AUTS2: variants seen among roughly 807,000 people sequenced by gnomAD.
The protein encoded by AUTS2 is autism susceptibility gene 2 protein.
In AUTS2, 17 loss-of-function variants were observed where a neutral mutation model predicts 112.4. The ratio of observed to expected loss-of-function variants is 0.15; its 90% CI spans 0.10 to 0.23. The LOEUF (loss-of-function observed/expected upper bound fraction) is 0.23, where lower values mean the gene tolerates loss of function less well. Among genes scored for constraint, AUTS2 ranks in the 10% least tolerant of loss-of-function variants. AUTS2 has a pLI of 1.00. For synonymous variants in AUTS2, 751 were observed against 702.7 expected, an observed-to-expected ratio of 1.07 and a Z score of -1.09; for missense variants, 1,510 against 1,701.6, an observed-to-expected ratio of 0.89 and a Z score of 1.98.
chr7:70,248,085 A>G (rs1420492563), intron 4 of AUTS2, among the ~76,000 whole-genome samples: 2 of 152,156 alleles, frequency 1.3e-5, no homozygotes, highest in East Asian at 1.9e-4. Context: ...ATTATGACAT[A>G]TTATGCCTTT....
chr7:69,986,948 A>G (rs1184834640), intron 2 of AUTS2, among the ~76,000 whole-genome samples: 1 of 152,162 alleles, frequency 6.6e-6, no homozygotes. Context: ...CACAAATAGT[A>G]GGTTCGATAT....
intron 1 of AUTS2, among the ~76,000 whole-genome samples, chr7:69,839,575 C>G (rs1182684616): frequency 6.6e-6 from 1 of 152,138 alleles, no homozygotes; most frequent in Non-Finnish European, 1.5e-5. Flanking sequence ...GATTTATAAA[C>G]AAGACATTAA....
chr7:69,822,344 G>A (rs1440569399), intron 1 of AUTS2, among the ~76,000 whole-genome samples: 1 of 152,174 alleles, frequency 6.6e-6, no homozygotes, highest in Non-Finnish European at 1.5e-5. Flanking sequence ...CATGCTGGGT[G>A]TTATGGCTCA....
In AUTS2 at chr7:70,453,850, C is replaced by A. The variant is rs193238284; in HGVS notation, c.690+18069C>A. ...CTTCGGGATTCTTAATTAGTCCTAT[C>A]TGCAAAGATACTTTTTCCTTGTAAG... On this transcript the variant is annotated intron_variant, in intron 5 of 18. Coordinates refer to ENST00000342771, the MANE Select transcript of AUTS2 (RefSeq NM_015570.4). Among the ~76,000 whole-genome samples the A allele has an allele frequency of 2.6e-4, 39 of 152,326 alleles. No individual in the cohort carries two copies. In the East Asian group the frequency reaches 7.1e-3, roughly 28 times the overall value.
At chr7:70,334,915 T>C (rs555401758) in intron 4 of AUTS2, among the ~76,000 whole-genome samples, 2 of 152,258 alleles carry the variant, frequency 1.3e-5, no homozygotes, top group African/African-American at 4.8e-5. Context: ...GTCAGGGCTG[T>C]AAATTAGACT....
At chr7:69,740,385 G>A (rs909168475) in intron 1 of AUTS2, among the ~76,000 whole-genome samples, 2 of 152,180 alleles carry the variant, frequency 1.3e-5, no homozygotes, top group African/African-American at 4.8e-5. Flanking sequence ...AGCCAGCTCT[G>A]ATTGACAAGA....
chr7:70,088,126 T>G (rs548599804), intron 2 of AUTS2, among the ~76,000 whole-genome samples: 13 of 152,014 alleles, frequency 8.6e-5, no homozygotes, highest in Admixed American at 7.9e-4. Flanking sequence ...ATTCATATTT[T>G]TGTTTGTTTG....
chr7:69,726,075 G>C (rs1455680205), intron 1 of AUTS2, among the ~76,000 whole-genome samples: 1 of 152,094 alleles, frequency 6.6e-6, no homozygotes, highest in East Asian at 1.9e-4. Context: ...GAAATGCACA[G>C]ATCTTAAGTG....
chr7:70,302,463 T>C (rs1228218316), intron 4 of AUTS2, among the ~76,000 whole-genome samples: 2 of 152,096 alleles, frequency 1.3e-5, no homozygotes, highest in East Asian at 1.9e-4. Context: ...CTATAACTAG[T>C]TTTAGTGTTA....
At chr7:69,635,797 A>G (rs1794492555) in intron 1 of AUTS2, among the ~76,000 whole-genome samples, 1 of 152,246 alleles carries the variant, frequency 6.6e-6, no homozygotes, top group Admixed American at 6.5e-5. Flanking sequence ...TTACAAAGCT[A>G]AACACTTGTC....
chr7:69,712,866 AT>A (rs1798392681), intron 1 of AUTS2, among the ~76,000 whole-genome samples: 1 of 152,136 alleles, frequency 6.6e-6, no homozygotes, highest in Non-Finnish European at 1.5e-5. Flanking sequence ...GTTCCTTCAC[AT>A]TTGTGCCAAC....
chr7:70,530,023 A>G (rs904424433), intron 5 of AUTS2, among the ~76,000 whole-genome samples: 5 of 152,186 alleles, frequency 3.3e-5, no homozygotes, highest in African/African-American at 9.6e-5. Context: ...TTATCACCCA[A>G]TTTCCACTGG....
chr7:70,284,252 A>G (rs1475512124), intron 4 of AUTS2, among the ~76,000 whole-genome samples: 1 of 152,226 alleles, frequency 6.6e-6, no homozygotes, highest in Non-Finnish European at 1.5e-5. Flanking sequence ...ATTGTATAGT[A>G]AAACATAATT....
At chr7:69,742,030 G>A (rs780078376) in intron 1 of AUTS2, among the ~76,000 whole-genome samples, 16 of 151,752 alleles carry the variant, frequency 1.1e-4, no homozygotes, top group Admixed American at 2.0e-4. Context: ...TGAATTCCTG[G>A]GCTAAAGTGA....
At chr7:70,328,779 G>A (rs778098451) in intron 4 of AUTS2, among the ~76,000 whole-genome samples, 7 of 152,136 alleles carry the variant, frequency 4.6e-5, no homozygotes, top group Non-Finnish European at 1.0e-4. Context: ...TAAAAAAATC[G>A]TTTGAGATGA....
chr7:70,094,734 A>G (rs1804101723), intron 2 of AUTS2, among the ~76,000 whole-genome samples: 1 of 152,184 alleles, frequency 6.6e-6, no homozygotes. Flanking sequence ...TCTGAGAGGT[A>G]ATAAGAAATA....
In AUTS2 at chr7:70,018,584, C is replaced by T. The variant is rs1185817872; in HGVS notation, c.523-99548C>T. 2.6e-5 allele frequency among the ~76,000 whole-genome samples: 4 copies of T among 152,276 alleles called. No homozygotes were observed. The East Asian group carries it at 7.7e-4, about 29-fold the overall frequency. On this transcript the variant is annotated intron_variant, in intron 2 of 18. Transcript: ENST00000342771. ...TGACTGTTTTCTCTGTAAAAGAGAT[C>T]CCGGTTATACAACTATTTCACAATC...
At chr7:70,727,668 G>A (rs1445063367) in intron 6 of AUTS2, among the ~76,000 whole-genome samples, 2 of 152,148 alleles carry the variant, frequency 1.3e-5, no homozygotes, top group Non-Finnish European at 2.9e-5. Flanking sequence ...TAAAACTTAC[G>A]TTTCAGAGGT....
At chr7:70,297,827 A>G (rs767700506) in intron 4 of AUTS2, among the ~76,000 whole-genome samples, 1 of 152,164 alleles carries the variant, frequency 6.6e-6, no homozygotes, top group Admixed American at 6.6e-5. Context: ...CCAGTGGTTT[A>G]TCAAATATTT....
Sources: allele counts gnomAD v4.1 joint callset (sites outside exome capture counted in the v4.1 genomes callset), GRCh38; gene constraint gnomAD v4.1.1; transcripts MANE v1.5; gene names NCBI Gene and HGNC (gene_info 2026-07-23, HGNC 2026-07-21).